Variants in TMEM236 observed in about 807,000 individuals in gnomAD.
TMEM236 encodes the protein transmembrane protein 236, also known as family with sequence similarity 23, member A.
A neutral mutation model predicts 14.7 loss-of-function variants in TMEM236; 11 were observed. The observed-to-expected ratio is 0.75, with a 90% CI of 0.47 to 1.24. The LOEUF (loss-of-function observed/expected upper bound fraction) is 1.24. Among genes scored for constraint, TMEM236 ranks in the 50% most tolerant of loss-of-function variants. The probability of loss-of-function intolerance (pLI) is 0.00; values close to 1 mark genes in which losing one functional copy is unlikely to be tolerated. For missense variants in TMEM236, 464 were observed against 427.3 expected, an observed-to-expected ratio of 1.09 and a Z score of -0.76; for synonymous variants, 182 against 168.6, an observed-to-expected ratio of 1.08 and a Z score of -0.62.
At chr10:17,786,931 T>C (rs1415067814) in intron 3 of TMEM236, among the ~76,000 whole-genome samples, 3 of 152,208 alleles carry the variant, frequency 2.0e-5, no homozygotes, top group African/African-American at 7.2e-5. Flanking sequence ...CTGATGGGTT[T>C]ATCAGGGGTT....
intron 2 of TMEM236, among the ~76,000 whole-genome samples, chr10:17,774,742 T>A (rs1479478227): frequency 6.6e-6 from 1 of 152,096 alleles, no homozygotes; most frequent in Non-Finnish European, 1.5e-5. Flanking sequence ...TGGTTGAAGT[T>A]GCATTGAATA....
intron 1 of TMEM236, among the ~76,000 whole-genome samples, chr10:17,765,617 A>G (rs1837450059): frequency 6.6e-6 from 1 of 152,230 alleles, no homozygotes; most frequent in Non-Finnish European, 1.5e-5. Context: ...GAGAAATTGG[A>G]AGGGGAACAG....
At chr10:17,762,616 T>TAA (rs1483138456) in intron 1 of TMEM236, among the ~76,000 whole-genome samples, 3 of 54,220 alleles carry the variant, frequency 5.5e-5, no homozygotes, top group South Asian at 8.3e-4. Flanking sequence ...TATATATATA[T>TAA]ATACACACAT....
chr10:17,796,068 G>A lies in TMEM236; in HGVS notation c.620G>A (p.Ser207Asn). ...VSQPSGAMTR[S>N]QESVFMGPQE... ...CAGCCATCAGGAGCCATGACACGGA[G>A]CCAGGAGTCTGTGTTCATGGGACCC... Residue 207 changes from serine to asparagine, a missense_variant, in exon 4 of 4, where the codon AGC (serine) becomes AAC (asparagine). Physicochemically the swap from Ser to Asn is conservative, Grantham distance 46. Transcript: ENST00000377495. 1 of 1,613,758 alleles carries A rather than the reference G, an allele frequency of 6.2e-7. No homozygotes were observed. The highest frequency in any genetic ancestry group is 2.2e-5 in the East Asian group (1 of 44,878).
At chr10:17,755,259 A>G (rs1837269540) in intron 1 of TMEM236, among the ~76,000 whole-genome samples, 1 of 152,052 alleles carries the variant, frequency 6.6e-6, no homozygotes, top group Admixed American at 6.6e-5. Flanking sequence ...CCGATGTTTT[A>G]TTTTGAAAGC....
chr10:17,793,713 A>C (rs1837964841), intron 3 of TMEM236, among the ~76,000 whole-genome samples: 1 of 151,928 alleles, frequency 6.6e-6, no homozygotes, highest in African/African-American at 2.4e-5. Context: ...GAACTTCTGA[A>C]CTCAGGTGAT....
At chr10:17,789,890 G>A (rs1379244108) in intron 3 of TMEM236, among the ~76,000 whole-genome samples, 1 of 152,062 alleles carries the variant, frequency 6.6e-6, no homozygotes, top group Non-Finnish European at 1.5e-5. Flanking sequence ...CGGGCGTGGG[G>A]GCGGGCGCCT....
At chr10:17,762,616 T>TATATACATAC (rs1554834058) in intron 1 of TMEM236, among the ~76,000 whole-genome samples, 2 of 54,218 alleles carry the variant, frequency 3.7e-5, no homozygotes, top group African/African-American at 6.9e-5. Flanking sequence ...TATATATATA[T>TATATACATAC]ATACACACAT....
intron 3 of TMEM236, among the ~76,000 whole-genome samples, chr10:17,793,074 A>G (rs1305657488): frequency 6.6e-6 from 1 of 152,204 alleles, no homozygotes; most frequent in Non-Finnish European, 1.5e-5. Context: ...TTACTTGAAA[A>G]GAGGAAGCAG....
intron 1 of TMEM236, among the ~76,000 whole-genome samples, chr10:17,760,547 T>G (rs1487726418): frequency 1.3e-5 from 2 of 152,356 alleles, no homozygotes; most frequent in South Asian, 4.1e-4. Flanking sequence ...CTATCCACAT[T>G]TCCTTTACAG....
At chr10:17,762,663 A>T (rs923951902) in intron 1 of TMEM236, among the ~76,000 whole-genome samples, 59 of 144,018 alleles carry the variant, frequency 4.1e-4, no homozygotes, top group South Asian at 1.6e-3. Context: ...TTATATATAA[A>T]TATATATATT....
chr10:17,756,016 C>A (rs1285939991), intron 1 of TMEM236, among the ~76,000 whole-genome samples: 1 of 152,168 alleles, frequency 6.6e-6, no homozygotes, highest in African/African-American at 2.4e-5. Flanking sequence ...CCTTTAATCC[C>A]AACACTTTGG....
chr10:17,767,554 G>T (rs1010917821), intron 1 of TMEM236, among the ~76,000 whole-genome samples: 16,753 of 152,076 alleles, frequency 0.11, 1,043 homozygotes, highest in Non-Finnish European at 0.15. Context: ...ATAGACTTGG[G>T]TTGTATTTAT....
intron 3 of TMEM236, among the ~76,000 whole-genome samples, chr10:17,784,870 G>A (rs1837808424): frequency 6.6e-6 from 1 of 152,132 alleles, no homozygotes; most frequent in African/African-American, 2.4e-5. Context: ...GATGAAGTGG[G>A]CGAGGGATAG....
rs952452859 is a variant in TMEM236 at position 17,800,486 on chromosome 10, C to T, written c.*3982C>T. 79 of 152,104 alleles carry T rather than the reference C, an allele frequency of 5.2e-4. No individual in the cohort carries two copies. Among genetic ancestry groups the T allele is most frequent in the African/African-American group, 1.8e-3 (76 of 41,504 alleles). 9.4% of individuals were successfully genotyped at this position (152,104 alleles called of 1,614,324 possible). ...TTCTAAAAGTTAATGTTTGAAATTA[C>T]AATGTGTAAATGTTATCTCGTCTTG... is the stretch of plus-strand genomic sequence containing the variant. On this transcript the variant is annotated 3_prime_UTR_variant, in exon 4 of 4. Transcript: ENST00000377495.
chr10:17,776,444 C>G (rs1235751375), intron 3 of TMEM236, among the ~76,000 whole-genome samples: 1 of 152,102 alleles, frequency 6.6e-6, no homozygotes, highest in Non-Finnish European at 1.5e-5. Flanking sequence ...TTTATTCCAG[C>G]AAGAAATTAT....
At position 17,796,004 on chromosome 10, in the gene TMEM236, G is replaced by A. The variant is rs1357100155; in HGVS notation, c.556G>A (p.Ala186Thr). 8.1e-6 allele frequency: 13 copies of A among 1,613,756 alleles called. No individual in the cohort carries two copies. The highest frequency in any genetic ancestry group is 5.3e-5 in the African/African-American group (4 of 74,882). The change falls in exon 4 of 4, where the codon GCT becomes ACT. Residue 186 changes from alanine (A) to threonine (T), a missense_variant. By Grantham distance (58) the Ala-to-Thr change is moderately conservative. Transcript: ENST00000377495. ...TEQVRQSPEN[A>T]ASPQATNSTQ... ...GCAAGTGAGGCAAAGTCCAGAAAAC[G>A]CTGCATCTCCCCAGGCAACCAACAG...
At chr10:17,790,785 G>A (rs1179947102) in intron 3 of TMEM236, among the ~76,000 whole-genome samples, 2 of 151,998 alleles carry the variant, frequency 1.3e-5, no homozygotes, top group Non-Finnish European at 2.9e-5. Context: ...TTTCCCCTTG[G>A]GAGAAATAGA....
intron 2 of TMEM236, among the ~76,000 whole-genome samples, chr10:17,772,078 A>T (rs1379069533): frequency 1.3e-5 from 2 of 152,230 alleles, no homozygotes; most frequent in Non-Finnish European, 2.9e-5. Context: ...AATATTCATT[A>T]AGTATATATT....
Sources: allele counts gnomAD v4.1 joint callset (sites outside exome capture counted in the v4.1 genomes callset), GRCh38; gene constraint gnomAD v4.1.1; transcripts MANE v1.5; gene names NCBI Gene and HGNC (gene_info 2026-07-23, HGNC 2026-07-21).